KCTD1: variants seen among roughly 807,000 people sequenced by gnomAD.
KCTD1 encodes the protein BTB/POZ domain-containing protein KCTD1.
A neutral mutation model predicts 66.0 loss-of-function variants in KCTD1; 24 were observed. The ratio of observed to expected loss-of-function variants is 0.36; its 90% confidence interval spans 0.26 to 0.51. The LOEUF is 0.51. KCTD1 is among the 20% of genes least tolerant of loss of function. The pLI, the probability that KCTD1 is intolerant of heterozygous loss-of-function variation, is 0.95. For synonymous variants in KCTD1, 511 were observed against 517.2 expected (o/e 0.99, Z 0.16); for missense variants, 943 against 1,205.2 (o/e 0.78, Z 3.22).
intron 1 of KCTD1, among the ~76,000 whole-genome samples, chr18:26,528,517 G>C (rs781258675): frequency 6.6e-6 from 1 of 152,028 alleles, no homozygotes; most frequent in African/African-American, 2.4e-5. Flanking sequence ...AAAAACGTAC[G>C]GGATCCACCT....
chr18:26,626,415 C>T (rs192799004), intron 1 of KCTD1, among the ~76,000 whole-genome samples: 1 of 149,644 alleles, frequency 6.7e-6, no homozygotes, highest in South Asian at 2.1e-4. Flanking sequence ...ACAGCTTGGG[C>T]AGAGGGATGG....
At chr18:26,480,797 C>T (rs1373590440) in intron 2 of KCTD1, among the ~76,000 whole-genome samples, 3 of 152,052 alleles carry the variant, frequency 2.0e-5, no homozygotes, top group African/African-American at 4.8e-5. Flanking sequence ...CTGTTGATTA[C>T]TCTTGTTTAT....
At chr18:26,603,552 C>A (rs1986945876) in intron 1 of KCTD1, among the ~76,000 whole-genome samples, 1 of 151,708 alleles carries the variant, frequency 6.6e-6, no homozygotes, top group African/African-American at 2.4e-5. Context: ...ACCAGCCTGG[C>A]CAATATATGA....
At chr18:26,605,109 C>T (rs1598963256) in intron 1 of KCTD1, among the ~76,000 whole-genome samples, 2 of 152,114 alleles carry the variant, frequency 1.3e-5, no homozygotes, top group Non-Finnish European at 2.9e-5. Flanking sequence ...ATGCCTCAGC[C>T]GTCTTTTAGT....
chr18:26,656,192 C>T (rs1183737024), intron 1 of KCTD1, among the ~76,000 whole-genome samples: 1 of 152,156 alleles, frequency 6.6e-6, no homozygotes, highest in East Asian at 1.9e-4. Context: ...GAACCTAGGC[C>T]GCCAGGAGGG....
chr18:26,491,210 T>G (rs894281733), intron 2 of KCTD1, among the ~76,000 whole-genome samples: 2 of 152,062 alleles, frequency 1.3e-5, no homozygotes, highest in Non-Finnish European at 2.9e-5. Flanking sequence ...GGGTCTACTG[T>G]TCCAGCAGCA....
chr18:26,491,824 CT>C (rs529548266), intron 2 of KCTD1, among the ~76,000 whole-genome samples: 104 of 152,278 alleles, frequency 6.8e-4, no homozygotes, highest in Non-Finnish European at 1.1e-3. Context: ...ACAACTTGAC[CT>C]TTTGTCTAAA....
intron 1 of KCTD1, among the ~76,000 whole-genome samples, chr18:26,614,156 C>T (rs483309): frequency 6.6e-6 from 1 of 152,232 alleles, no homozygotes; most frequent in African/African-American, 2.4e-5. Flanking sequence ...AGTCTAGTGT[C>T]TACTCCATGG....
chr18:26,637,966 G>T (rs1439559671), intron 1 of KCTD1, among the ~76,000 whole-genome samples: 1 of 152,178 alleles, frequency 6.6e-6, no homozygotes, highest in Non-Finnish European at 1.5e-5. Context: ...TCTTAGCAAG[G>T]AGAGTCTGAT....
At chr18:26,538,608 T>C (rs1984823106) in intron 1 of KCTD1, among the ~76,000 whole-genome samples, 1 of 152,216 alleles carries the variant, frequency 6.6e-6, no homozygotes, top group African/African-American at 2.4e-5. Context: ...TAGGACTTTA[T>C]GATAAAGATC....
chr18:26,480,745 C>T (rs1230009208), intron 2 of KCTD1, among the ~76,000 whole-genome samples: 1 of 151,958 alleles, frequency 6.6e-6, no homozygotes, highest in Non-Finnish European at 1.5e-5. Context: ...CCAGCCTGGG[C>T]AACAGAGCGA....
chr18:26,533,400 T>A (rs533452362), intron 1 of KCTD1, among the ~76,000 whole-genome samples: 24 of 152,360 alleles, frequency 1.6e-4, no homozygotes, highest in African/African-American at 4.8e-4. Context: ...ACTTAATTTG[T>A]CTCAAATGAG....
chr18:26,501,666 C>T (rs1238918561), intron 1 of KCTD1, among the ~76,000 whole-genome samples: 1 of 152,194 alleles, frequency 6.6e-6, no homozygotes, highest in Non-Finnish European at 1.5e-5. Flanking sequence ...TGAAAACTTC[C>T]TCATTGCTAT....
At chr18:26,629,322 A>G (rs927851652), upstream of KCTD1, 8 of 344,716 alleles carry the variant, frequency 2.3e-5, no homozygotes, top group African/African-American at 1.8e-4. Flanking sequence ...CTAACCAACC[A>G]TAAGTGAAAC....
intron 1 of KCTD1, among the ~76,000 whole-genome samples, chr18:26,596,888 C>G (rs540830658): frequency 6.6e-6 from 1 of 152,194 alleles, no homozygotes; most frequent in Non-Finnish European, 1.5e-5. Flanking sequence ...TTAGTTGGAA[C>G]TGCTGATGAA....
intron 2 of KCTD1, among the ~76,000 whole-genome samples, chr18:26,479,252 C>A (rs913767761): frequency 3.9e-5 from 6 of 152,216 alleles, no homozygotes; most frequent in African/African-American, 1.4e-4. Context: ...CAGGCGGCCT[C>A]CACCAAGACC....
intron 1 of KCTD1, among the ~76,000 whole-genome samples, chr18:26,618,387 T>C (rs953163785): frequency 6.6e-6 from 1 of 152,242 alleles, no homozygotes; most frequent in South Asian, 2.1e-4. Flanking sequence ...CAGAGAACCC[T>C]GCCAAGTGGA....
In KCTD1 at chr18:26,459,799, G is replaced by A. The variant is rs755976989; in HGVS notation, c.2260C>T (p.Arg754Cys). ...CTTTCTCCGAGGTCTGGGGCCACAC[G>A]CACGACGAGGCACTCACAGGGCCTT... ...FSRPCECLVV[R>C]VAPDLGERIT... The change falls in exon 4 of 5, where the codon CGT (arginine) becomes TGT (cysteine). Residue 754 changes from arginine to cysteine, a missense_variant. Around this residue, in one of 10 missense-constraint regions of KCTD1, gnomAD observed 162 missense variants for 232.4 expected, o/e 0.70. Transcript: ENST00000580059. 5.6e-6 allele frequency: 9 copies of A among 1,614,026 alleles called. No individual in the cohort carries two copies. Among genetic ancestry groups the A allele is most frequent in the Admixed American group, 5.0e-5 (3 of 60,000 alleles).
upstream of KCTD1, among the ~76,000 whole-genome samples, chr18:26,643,758 G>T (rs7241559): frequency 0.58 from 87,792 of 152,104 alleles, 25,440 homozygotes; most frequent in Non-Finnish European, 0.61. Context: ...GTCAGGAGAT[G>T]GAGACCATCC....
Sources: allele counts gnomAD v4.1 joint callset (sites outside exome capture counted in the v4.1 genomes callset), GRCh38; gene constraint gnomAD v4.1.1; regional missense constraint gnomAD v4.1.1; transcripts MANE v1.5; gene names NCBI Gene and HGNC (gene_info 2026-07-23, HGNC 2026-07-21).